The following ETFBKMT variants were observed in gnomAD, a reference collection of about 807,000 sequenced individuals.
The protein encoded by ETFBKMT is electron transfer flavoprotein beta subunit lysine methyltransferase.
In ETFBKMT, 13 loss-of-function variants were observed where a neutral mutation model predicts 18.3. The observed-to-expected ratio is 0.71, with a 90% CI of 0.46 to 1.13. The LOEUF is 1.13. Ranked by LOEUF, ETFBKMT falls within the 50% of genes most tolerant of loss-of-function variation. ETFBKMT has a pLI of 0.00. For missense variants in ETFBKMT, 293 were observed against 306.2 expected, an observed-to-expected ratio of 0.96 and a Z score of 0.32; for synonymous variants, 84 against 107.9, an observed-to-expected ratio of 0.78 and a Z score of 1.37.
upstream of ETFBKMT, among the ~76,000 whole-genome samples, chr12:31,655,910 A>G (rs954924712): frequency 6.6e-5 from 10 of 152,344 alleles, no homozygotes; most frequent in East Asian, 3.9e-4. Context: ...TTGACAATAC[A>G]TATGTCAGGA....
At position 31,663,475 on chromosome 12, in the gene ETFBKMT, C is replaced by T. The variant is rs892517904; in HGVS notation, c.314+1208C>T. Reference sequence around the variant, plus strand: ...CCCTGACCTCAAGTGATCCGCCAGCCTCGGCCTCCCAAAGTGCTGGGATTA... The same window carrying T: ...CCCTGACCTCAAGTGATCCGCCAGCTTCGGCCTCCCAAAGTGCTGGGATTA... On this transcript the variant is annotated intron_variant, in intron 2 of 3. Coordinates refer to ENST00000357721, the MANE Select transcript of ETFBKMT (RefSeq NM_001135863.2). 2.0e-5 allele frequency among the ~76,000 whole-genome samples: 3 copies of T among 152,194 alleles called. No individual in the cohort carries two copies. In the East Asian group the frequency reaches 5.8e-4, roughly 29 times the overall value.
intron 3 of ETFBKMT, among the ~76,000 whole-genome samples, chr12:31,667,086 G>C (rs1161805691): frequency 6.7e-6 from 1 of 149,792 alleles, no homozygotes; most frequent in African/African-American, 2.5e-5. Context: ...CCTCCACCTC[G>C]TGGGTTCAAG....
chr12:31,653,498 A>G lies in ETFBKMT; in HGVS notation c.-114+6243A>G, dbSNP rs1164451371. 2.6e-5 allele frequency among the ~76,000 whole-genome samples: 4 copies of G among 152,232 alleles called. No homozygotes were observed. The East Asian group carries it at 7.7e-4, about 29-fold the overall frequency. On this transcript the variant is annotated intron_variant, in intron 1 of 3. Transcript: ENST00000412352. The stretch of plus-strand genomic sequence containing the variant: ...TTGCCCGGTTACTAACTGAGGGAGC[A>G]ACAAGTACAAACTGCAGATAGGGAA...
chr12:31,659,743 G>A lies in ETFBKMT; in HGVS notation c.-160G>A, dbSNP rs1230693314. 1 of 152,222 alleles carries A rather than the reference G, an allele frequency of 6.6e-6. No homozygotes were observed. Among genetic ancestry groups the A allele is most frequent in the Non-Finnish European group, 1.5e-5 (1 of 68,090 alleles). 9.4% of individuals were successfully genotyped at this position (152,222 alleles called of 1,614,324 possible). ...CCCTACGATCCCAGGACACTGATGT[G>A]GGGTAACTAACACCCACTGGAAGTC... On this transcript the variant is annotated 5_prime_UTR_variant, in exon 1 of 4. It introduces an in-frame stop codon into an upstream open reading frame of the 5' UTR. Transcript: ENST00000357721.
At chr12:31,662,438 G>C (rs1380368434) in intron 2 of ETFBKMT, among the ~76,000 whole-genome samples, 171 bp downstream of exon 2, 5 of 151,932 alleles carry the variant, frequency 3.3e-5, no homozygotes, top group African/African-American at 1.2e-4. Flanking sequence ...ACTCTCGCCT[G>C]GCCTGTCTCA....
At chr12:31,649,495 C>T (rs572372414) in intron 1 of ETFBKMT, among the ~76,000 whole-genome samples, 19 of 152,174 alleles carry the variant, frequency 1.2e-4, no homozygotes, top group Admixed American at 3.3e-4. Flanking sequence ...ACCCCTGTGT[C>T]GGGCTAGTCT....
chr12:31,662,505 C>CT (rs35366747), intron 2 of ETFBKMT, among the ~76,000 whole-genome samples: 18,067 of 128,798 alleles, frequency 0.14, 1,317 homozygotes, highest in Non-Finnish European at 0.16. Flanking sequence ...TTCTTTCTTT[C>CT]TTTTTTTTTT....
upstream of ETFBKMT, among the ~76,000 whole-genome samples, chr12:31,657,770 C>T (rs1235068156): frequency 8.6e-5 from 11 of 128,152 alleles, no homozygotes; most frequent in South Asian, 2.4e-4. Context: ...CCAGCCTGGG[C>T]GACAGAGCAA....
intron 1 of ETFBKMT, chr12:31,660,980 A>C (rs1457004009): frequency 6.6e-6 from 1 of 152,250 alleles, no homozygotes; most frequent in Non-Finnish European, 1.5e-5. Context: ...AAAGAACTTT[A>C]AAGGTACAGT....
chr12:31,656,274 C>T (rs956825764), upstream of ETFBKMT, among the ~76,000 whole-genome samples: 3 of 152,102 alleles, frequency 2.0e-5, no homozygotes, highest in South Asian at 2.1e-4. Context: ...TTCTGAAGGA[C>T]GAGTAGGTGG....
chr12:31,663,999 G>A (rs755704177), intron 2 of ETFBKMT, among the ~76,000 whole-genome samples: 3 of 150,620 alleles, frequency 2.0e-5, no homozygotes, highest in South Asian at 2.1e-4. Flanking sequence ...GCTTACTCCC[G>A]TATCTCTTAC....
chr12:31,665,234 C>T (rs763475545), intron 2 of ETFBKMT, among the ~76,000 whole-genome samples: 1 of 152,156 alleles, frequency 6.6e-6, no homozygotes, highest in African/African-American at 2.4e-5. Flanking sequence ...CTGTGCCCAG[C>T]CTACAACTTT....
At position 31,662,267 on chromosome 12, in the gene ETFBKMT, GGTACTACCCTAAT is replaced by G; in HGVS notation, c.314+2_314+14del. 1 of 1,613,562 alleles carries G rather than the reference GGTACTACCCTAAT, an allele frequency of 6.2e-7. No homozygotes were observed. Among genetic ancestry groups the G allele is most frequent in the Non-Finnish European group, 8.5e-7 (1 of 1,179,720 alleles). Reference sequence around the variant, plus strand: ...TGGCCAGGAGGCCAAGCCCTGTCTAGGTACTACCCTAATGAAACCTTTAAGGCGCTACAGATCT... The same window carrying G: ...TGGCCAGGAGGCCAAGCCCTGTCTAGGAAACCTTTAAGGCGCTACAGATCT... On this transcript the variant is annotated splice_donor_variant and splice_donor_5th_base_variant and intron_variant, in intron 2 of 3. Coordinates refer to ENST00000357721, the MANE Select transcript of ETFBKMT (RefSeq NM_001135863.2). LOFTEE classifies it high-confidence loss of function.
chr12:31,648,366 T>G (rs1950984851), intron 1 of ETFBKMT, among the ~76,000 whole-genome samples: 1 of 149,876 alleles, frequency 6.7e-6, no homozygotes, highest in Non-Finnish European at 1.5e-5. Flanking sequence ...AATAGTTTTT[T>G]TTTTTTTTTT....
In ETFBKMT at chr12:31,672,144, A is replaced by C; in HGVS notation, c.*4154A>C. 1.7e-6 allele frequency: 1 copy of C among 589,520 alleles called. No individual in the cohort carries two copies. Among genetic ancestry groups the C allele is most frequent in the Non-Finnish European group, 3.0e-6 (1 of 330,386 alleles). The allele number at this position is 589,520 out of a possible 1,614,324, so 36.5% of individuals were successfully genotyped here. The stretch of plus-strand genomic sequence containing the variant: ...TTTAAGAGTAAAGCACAAACCATGT[A>C]TATACCAAGACTTAGCTAATTCTCT... On this transcript the variant is annotated 3_prime_UTR_variant, in exon 4 of 4. Coordinates refer to ENST00000357721, the MANE Select transcript of ETFBKMT (RefSeq NM_001135863.2).
chr12:31,666,060 G>C (rs984419106), intron 2 of ETFBKMT, 27 bp from the exon 3 acceptor site: 3 of 1,598,920 alleles, frequency 1.9e-6, no homozygotes, highest in Non-Finnish European at 2.6e-6. Context: ...TCATCTCTCT[G>C]AGACATGTTT....
chr12:31,658,926 C>CTTT (rs10716608), upstream of ETFBKMT, among the ~76,000 whole-genome samples: 143 of 137,268 alleles, frequency 1.0e-3, no homozygotes, highest in East Asian at 2.6e-3. Flanking sequence ...TATACTGTGT[C>CTTT]TTTTTTTTTT....
intron 1 of ETFBKMT, among the ~76,000 whole-genome samples, chr12:31,660,380 T>A (rs535619775): frequency 6.6e-6 from 1 of 152,252 alleles, no homozygotes; most frequent in South Asian, 2.1e-4. Context: ...GGATTTGGAT[T>A]TTTGACCCCT....
chr12:31,659,064 C>T (rs1365992393), upstream of ETFBKMT: 1 of 151,722 alleles, frequency 6.6e-6, no homozygotes, highest in Non-Finnish European at 1.5e-5. Context: ...ATTCTACAAA[C>T]ATTGCACACA....
Sources: gnomAD v4.1 joint callset for allele counts (sites outside exome capture counted in the v4.1 genomes callset) on GRCh38, gnomAD v4.1.1 for gene constraint, MANE v1.5 for transcripts, NCBI Gene and HGNC (gene_info 2026-07-23, HGNC 2026-07-21) for gene names.